The following CDH13 variants were observed in gnomAD, a reference collection of about 807,000 sequenced individuals.
CDH13 encodes the protein cadherin-13.
Under a neutral mutation model 63.8 loss-of-function variants are expected in CDH13, and 24 were observed. That is an observed-to-expected ratio of 0.38 (90% CI 0.27 to 0.53). CDH13 has a LOEUF of 0.53. Ranked by LOEUF, CDH13 falls within the 20% of genes least tolerant of loss-of-function variation. The probability of loss-of-function intolerance (pLI) is 0.85; values close to 1 mark genes in which losing one functional copy is unlikely to be tolerated. For synonymous variants in CDH13, 503 were observed against 355.3 expected (o/e 1.42, Z -4.67); for missense variants, 1,049 against 903.1 (o/e 1.16, Z -2.07).
chr16:83,743,463 T>C (rs887357420), intron 10 of CDH13, among the ~76,000 whole-genome samples: 1 of 152,174 alleles, frequency 6.6e-6, no homozygotes, highest in African/African-American at 2.4e-5. Flanking sequence ...ACTGCTTCTT[T>C]GACAAGAAAC....
At chr16:83,707,528 C>A (rs1429057290) in intron 10 of CDH13, among the ~76,000 whole-genome samples, 1 of 152,074 alleles carries the variant, frequency 6.6e-6, no homozygotes, top group Non-Finnish European at 1.5e-5. Context: ...CTGTGATATG[C>A]CAGCTATATT....
chr16:83,015,184 G>A (rs532930039), intron 2 of CDH13, among the ~76,000 whole-genome samples: 1 of 151,832 alleles, frequency 6.6e-6, no homozygotes, highest in Non-Finnish European at 1.5e-5. Flanking sequence ...TGTTGAGATA[G>A]TAACAGGCTG....
At chr16:83,686,837 G>A (rs985531733) in intron 10 of CDH13, among the ~76,000 whole-genome samples, 1 of 152,168 alleles carries the variant, frequency 6.6e-6, no homozygotes, top group African/African-American at 2.4e-5. Context: ...TGCATGACCA[G>A]TGCTCAGTAA....
At chr16:83,617,430 T>G (rs1039658115) in intron 8 of CDH13, among the ~76,000 whole-genome samples, 8 of 152,150 alleles carry the variant, frequency 5.3e-5, no homozygotes, top group Middle Eastern at 3.5e-3. Context: ...ATAAATCTAT[T>G]GTAATATGCA....
intron 3 of CDH13, among the ~76,000 whole-genome samples, chr16:83,050,846 T>G (rs995337998): frequency 2.6e-5 from 4 of 152,176 alleles, no homozygotes; most frequent in Admixed American, 6.5e-5. Context: ...CACGGTTTCT[T>G]GCAGTGCCAT....
intron 6 of CDH13, among the ~76,000 whole-genome samples, chr16:83,432,124 G>T (rs983578285): frequency 1.3e-5 from 2 of 152,180 alleles, no homozygotes; most frequent in Admixed American, 1.3e-4. Flanking sequence ...TTGCTGTTGA[G>T]AGTGGTCAGA....
chr16:83,498,176 AG>A (rs1316930904), intron 7 of CDH13, among the ~76,000 whole-genome samples: 2 of 152,124 alleles, frequency 1.3e-5, no homozygotes, highest in South Asian at 4.1e-4. Context: ...GTGAGAGGAG[AG>A]GGGGCAAGGG....
At chr16:82,937,523 C>G (rs576256331) in intron 2 of CDH13, among the ~76,000 whole-genome samples, 1 of 152,242 alleles carries the variant, frequency 6.6e-6, no homozygotes, top group East Asian at 1.9e-4. Context: ...TCTCAGAGAT[C>G]TATTCCTAAC....
intron 10 of CDH13, among the ~76,000 whole-genome samples, chr16:83,695,513 C>G (rs951668743): frequency 6.6e-6 from 1 of 152,336 alleles, no homozygotes; most frequent in African/African-American, 2.4e-5. Context: ...GGTGCCCTTT[C>G]TGCAACAGAC....
chr16:82,800,079 C>T (rs2036777076), intron 1 of CDH13, among the ~76,000 whole-genome samples: 1 of 152,198 alleles, frequency 6.6e-6, no homozygotes. Flanking sequence ...TATTAAAAGA[C>T]AGGAAGACCC....
chr16:83,310,517 C>G (rs2089976143), intron 5 of CDH13, among the ~76,000 whole-genome samples: 1 of 152,172 alleles, frequency 6.6e-6, no homozygotes. Context: ...GGAAGTAAGA[C>G]AGGTCCACAC....
intron 2 of CDH13, among the ~76,000 whole-genome samples, chr16:82,868,896 A>G (rs2040247527): frequency 2.6e-5 from 4 of 152,222 alleles, no homozygotes. Flanking sequence ...CCAACTAAGT[A>G]ACTTTGGCAA....
At chr16:83,067,422 T>G (rs2151535306) in intron 3 of CDH13, among the ~76,000 whole-genome samples, 1 of 152,290 alleles carries the variant, frequency 6.6e-6, no homozygotes, top group South Asian at 2.1e-4. Flanking sequence ...GTTGGTTGTA[T>G]CAAGGACTCA....
intron 8 of CDH13, among the ~76,000 whole-genome samples, chr16:83,660,893 G>A (rs189878064): frequency 2.7e-4 from 41 of 151,648 alleles, no homozygotes; most frequent in East Asian, 2.1e-3. Flanking sequence ...AGCTACTAAC[G>A]TCCAATGAAA....
chr16:82,877,677 G>A (rs1434337913), intron 2 of CDH13, among the ~76,000 whole-genome samples: 1 of 152,046 alleles, frequency 6.6e-6, no homozygotes, highest in Non-Finnish European at 1.5e-5. Context: ...ATGTGAAAAT[G>A]CACAGTAAAT....
chr16:82,819,810 T>C (rs988312718), intron 1 of CDH13, among the ~76,000 whole-genome samples: 1 of 152,212 alleles, frequency 6.6e-6, no homozygotes, highest in Non-Finnish European at 1.5e-5. Flanking sequence ...ATCCCTATGC[T>C]TGTAGAACTG....
intron 5 of CDH13, among the ~76,000 whole-genome samples, chr16:83,327,862 G>A (rs1206329277): frequency 6.6e-6 from 1 of 152,268 alleles, no homozygotes; most frequent in Non-Finnish European, 1.5e-5. Flanking sequence ...GCTGGGCGCA[G>A]TGGCTTACGC....
At chr16:82,839,324 G>C (rs1045356727) in intron 1 of CDH13, among the ~76,000 whole-genome samples, 6 of 152,174 alleles carry the variant, frequency 3.9e-5, no homozygotes, top group Non-Finnish European at 2.9e-5. Context: ...CTGGCATGTT[G>C]CTTTATGCTG....
intron 1 of CDH13, among the ~76,000 whole-genome samples, chr16:82,633,439 G>A (rs1298974487): frequency 6.6e-6 from 1 of 152,192 alleles, no homozygotes; most frequent in Non-Finnish European, 1.5e-5. Context: ...GAGTGCGGTG[G>A]CGCGATGTCG....
Sources: allele counts gnomAD v4.1 joint callset (sites outside exome capture counted in the v4.1 genomes callset), GRCh38; gene constraint gnomAD v4.1.1; transcripts MANE v1.5; gene names NCBI Gene and HGNC (gene_info 2026-07-23, HGNC 2026-07-21).